KCNK2: variants seen among roughly 807,000 people sequenced by gnomAD.
The protein encoded by KCNK2 is potassium two pore domain channel subfamily K member 2.
KCNK2 carries 21 observed loss-of-function variants against 40.5 expected under a neutral mutation model. That is an observed-to-expected ratio of 0.52 (90% CI 0.37 to 0.75). KCNK2 has a LOEUF of 0.75. Among genes scored for constraint, KCNK2 ranks in the 30% least tolerant of loss-of-function variants. KCNK2 has a pLI of 0.00. For missense variants in KCNK2, 399 were observed against 531.6 expected, an observed-to-expected ratio of 0.75 and a Z score of 2.45; for synonymous variants, 191 against 202.2, an observed-to-expected ratio of 0.94 and a Z score of 0.47.
chr1:215,009,216 T>G (rs1311323697), intron 1 of KCNK2, among the ~76,000 whole-genome samples: 1 of 152,150 alleles, frequency 6.6e-6, no homozygotes, highest in Non-Finnish European at 1.5e-5. Context: ...TAGTTTATTG[T>G]GTCAATTTGT....
At chr1:215,132,984 G>A (rs1661742174) in intron 3 of KCNK2, among the ~76,000 whole-genome samples, 1 of 152,166 alleles carries the variant, frequency 6.6e-6, no homozygotes, top group Non-Finnish European at 1.5e-5. Context: ...AGGGATTTGA[G>A]AACATTAGGG....
At chr1:215,018,613 G>GT (rs1464316683) in intron 1 of KCNK2, among the ~76,000 whole-genome samples, 4 of 152,170 alleles carry the variant, frequency 2.6e-5, no homozygotes, top group African/African-American at 9.7e-5. Flanking sequence ...GAATGCCACA[G>GT]ATAGTATATG....
At chr1:215,017,634 T>G (rs1045539386) in intron 1 of KCNK2, among the ~76,000 whole-genome samples, 1 of 152,064 alleles carries the variant, frequency 6.6e-6, no homozygotes, top group African/African-American at 2.4e-5. Flanking sequence ...AAATTTCAGT[T>G]AGGTGGAATA....
At chr1:215,057,690 G>A (rs1658217412) in intron 1 of KCNK2, among the ~76,000 whole-genome samples, 1 of 152,128 alleles carries the variant, frequency 6.6e-6, no homozygotes, top group African/African-American at 2.4e-5. Context: ...GGCTGCATCA[G>A]GGAGAGAAAG....
At chr1:215,190,141 A>T (rs1664608006) in intron 5 of KCNK2, among the ~76,000 whole-genome samples, 1 of 152,194 alleles carries the variant, frequency 6.6e-6, no homozygotes, top group African/African-American at 2.4e-5. Flanking sequence ...ATTCAGAAAA[A>T]AATTCACAGA....
At chr1:215,065,418 A>G (rs1303718780) in intron 1 of KCNK2, among the ~76,000 whole-genome samples, 1 of 152,214 alleles carries the variant, frequency 6.6e-6, no homozygotes. Context: ...AAAAAAAGAA[A>G]AGGAAGAAGT....
At chr1:215,152,787 C>A (rs540691311) in intron 3 of KCNK2, among the ~76,000 whole-genome samples, 66 of 152,206 alleles carry the variant, frequency 4.3e-4, no homozygotes, top group Non-Finnish European at 4.3e-4. Context: ...TCTAAAATTT[C>A]TTTCCATGAG....
chr1:215,148,154 A>G (rs1231525522), intron 3 of KCNK2, among the ~76,000 whole-genome samples: 2 of 124,382 alleles, frequency 1.6e-5, no homozygotes, highest in African/African-American at 3.2e-5. Flanking sequence ...ATCATGGCTC[A>G]CTGCAGCCTC....
intron 1 of KCNK2, among the ~76,000 whole-genome samples, chr1:215,060,938 G>A (rs1207254787): frequency 6.6e-6 from 1 of 152,074 alleles, no homozygotes; most frequent in Non-Finnish European, 1.5e-5. Context: ...TAAGTTTTCT[G>A]ATTACAGAAG....
At chr1:215,231,083 T>C (rs1165381602) in intron 6 of KCNK2, among the ~76,000 whole-genome samples, 1 of 152,178 alleles carries the variant, frequency 6.6e-6, no homozygotes, top group Non-Finnish European at 1.5e-5. Context: ...TGTGAGATCA[T>C]GGTGACTTTG....
intron 1 of KCNK2, among the ~76,000 whole-genome samples, chr1:215,071,854 C>T (rs963704091): frequency 6.6e-6 from 1 of 151,928 alleles, no homozygotes; most frequent in Non-Finnish European, 1.5e-5. Context: ...AGTGATCCAG[C>T]GGGGAGGGTA....
intron 1 of KCNK2, among the ~76,000 whole-genome samples, chr1:215,052,880 A>G (rs924037550): frequency 5.3e-5 from 8 of 152,138 alleles, no homozygotes; most frequent in Non-Finnish European, 4.4e-5. Flanking sequence ...GATGAGCATA[A>G]TTGTGGATAT....
intron 1 of KCNK2, among the ~76,000 whole-genome samples, chr1:215,058,748 G>C (rs895791419): frequency 6.6e-6 from 1 of 152,062 alleles, no homozygotes; most frequent in African/African-American, 2.4e-5. Context: ...ATCTACCCTG[G>C]AGCCACAGTG....
chr1:215,162,246 C>A (rs1031031037), intron 3 of KCNK2, among the ~76,000 whole-genome samples: 2 of 152,078 alleles, frequency 1.3e-5, no homozygotes, highest in African/African-American at 2.4e-5. Flanking sequence ...ATGTTCATAT[C>A]CTTTGCCCAC....
chr1:215,124,586 C>T (rs779276808), intron 2 of KCNK2, 47 bp from the exon 3 acceptor site: 1 of 1,068,574 alleles, frequency 9.4e-7, no homozygotes, highest in South Asian at 1.3e-5. Context: ...TGTTTGATGC[C>T]TCTGTGTGAT....
At chr1:215,140,316 A>G (rs189163030) in intron 3 of KCNK2, among the ~76,000 whole-genome samples, 2 of 152,294 alleles carry the variant, frequency 1.3e-5, no homozygotes, top group East Asian at 3.9e-4. Flanking sequence ...GTGAGATCCA[A>G]TATATGTCAC....
intron 1 of KCNK2, among the ~76,000 whole-genome samples, chr1:215,018,735 G>T (rs1348801802): frequency 6.6e-6 from 1 of 152,150 alleles, no homozygotes; most frequent in Non-Finnish European, 1.5e-5. Flanking sequence ...GTCATTTCAG[G>T]ATCATTTAGT....
chr1:215,081,481 A>AT (rs34777165), upstream of KCNK2, among the ~76,000 whole-genome samples: 78,256 of 151,280 alleles, frequency 0.52, 21,921 homozygotes, highest in Non-Finnish European at 0.62. Context: ...TATTAGGAAG[A>AT]TTTTTTTTTA....
intron 1 of KCNK2, among the ~76,000 whole-genome samples, chr1:215,056,721 G>T (rs1311384100): frequency 6.8e-6 from 1 of 147,060 alleles, no homozygotes; most frequent in Non-Finnish European, 1.5e-5. Context: ...CTCCTGAAGT[G>T]TTGGGATTAC....
Sources: allele counts gnomAD v4.1 joint callset (sites outside exome capture counted in the v4.1 genomes callset), GRCh38; gene constraint gnomAD v4.1.1; transcripts MANE v1.5; gene names NCBI Gene and HGNC (gene_info 2026-07-23, HGNC 2026-07-21).